Variants in CHUK observed in about 807,000 individuals in gnomAD.
The protein encoded by CHUK is component of inhibitor of nuclear factor kappa B kinase complex.
In CHUK, 35 loss-of-function variants were observed where a neutral mutation model predicts 104.8. The observed-to-expected ratio is 0.33, with a 90% CI of 0.26 to 0.44. The LOEUF (loss-of-function observed/expected upper bound fraction) is 0.44. CHUK is among the 20% of genes least tolerant of loss of function. The pLI, the probability that CHUK is intolerant of heterozygous loss-of-function variation, is 1.00. For synonymous variants in CHUK, 276 were observed against 291.9 expected (o/e 0.95, Z 0.56); for missense variants, 663 against 902.7 (o/e 0.73, Z 3.40).
chr10:100,223,457 A>G (rs957002302), intron 2 of CHUK, among the ~76,000 whole-genome samples: 10 of 152,060 alleles, frequency 6.6e-5, no homozygotes, highest in Non-Finnish European at 1.2e-4. Context: ...TGGGTAACAC[A>G]GTGAGACCTC....
chr10:100,229,355 C>T, intron 1 of CHUK, 73 bp downstream of exon 1: 2 of 1,103,688 alleles, frequency 1.8e-6, no homozygotes, highest in Non-Finnish European at 1.4e-6. Context: ...ACACTGTCAG[C>T]CCTGTGTTCC....
chr10:100,213,043 A>G (rs115595226), intron 9 of CHUK, among the ~76,000 whole-genome samples: 1 of 152,184 alleles, frequency 6.6e-6, no homozygotes, highest in African/African-American at 2.4e-5. Context: ...AAAAAAGAAA[A>G]AAGAAAGGGA....
chr10:100,201,342 C>T (rs1845457598), intron 14 of CHUK, among the ~76,000 whole-genome samples: 1 of 152,062 alleles, frequency 6.6e-6, no homozygotes, highest in South Asian at 2.1e-4. Context: ...TACCTAGGGA[C>T]ACCATATAAT....
intron 13 of CHUK, among the ~76,000 whole-genome samples, chr10:100,203,207 C>A (rs1028450155): frequency 6.6e-6 from 1 of 152,184 alleles, no homozygotes; most frequent in South Asian, 2.1e-4. Flanking sequence ...AGCCTGCTCC[C>A]TCACAAGTGA....
chr10:100,218,800 G>T lies in CHUK; in HGVS notation c.715C>A (p.Pro239Thr). The T allele has an allele frequency of 3.7e-6, 6 of 1,613,566 alleles. No individual in the cohort carries two copies. The highest frequency in any genetic ancestry group is 5.1e-6 in the Non-Finnish European group (6 of 1,179,660). ...TCTTCACATGCAAATATACACTTTG[G>T]ATCCTTCTTCTTAATCTTCTCATGC... Reference protein sequence around the residue: ...TWHEKIKKKDPKCIFACEEMS... With the variant: ...TWHEKIKKKDTKCIFACEEMS... Residue 239 changes from proline to threonine, a missense_variant, in exon 8 of 21, where the codon CCA becomes ACA. This residue lies in a region of CHUK where 200 missense variants were observed against 333.0 expected (regional missense o/e 0.60). Coordinates refer to ENST00000370397, the MANE Select transcript of CHUK (RefSeq NM_001278.5).
chr10:100,219,388 T>G lies in CHUK; in HGVS notation c.475-29A>C, dbSNP rs769647897. 7 of 1,192,292 alleles carry G rather than the reference T, an allele frequency of 5.9e-6. No individual in the cohort carries two copies. In the Admixed American group the frequency reaches 1.2e-4, roughly 20 times the overall value. 73.9% of individuals were successfully genotyped at this position (1,192,292 alleles called of 1,614,324 possible). A position where few individuals can be genotyped will look rare whatever the true frequency, so the allele number is the denominator to read the frequency against. On this transcript the variant is annotated intron_variant, in intron 5 of 20. Transcript: ENST00000370397. ...CAAAATAATAAGACAGATTAAGTAT[T>G]AAATGGTAGAGAAATTTAAAAAGGA...
intron 14 of CHUK, among the ~76,000 whole-genome samples, chr10:100,201,188 C>G (rs920424461): frequency 6.6e-6 from 1 of 152,106 alleles, no homozygotes; most frequent in Non-Finnish European, 1.5e-5. Context: ...AGATAAAGAA[C>G]TTGGATTTCC....
intron 11 of CHUK, 151 bp downstream of exon 11, chr10:100,207,079 A>G: frequency 1.6e-6 from 1 of 624,388 alleles, no homozygotes; most frequent in Non-Finnish European, 2.9e-6. Flanking sequence ...ATATAAATCC[A>G]TTTTTCAGAG....
intron 19 of CHUK, among the ~76,000 whole-genome samples, chr10:100,191,526 G>T (rs1346580194): frequency 6.6e-6 from 1 of 152,174 alleles, no homozygotes; most frequent in Admixed American, 6.5e-5. Context: ...AAAACAGTGT[G>T]GTGGGGGAGC....
intron 15 of CHUK, 139 bp from the exon 16 acceptor site, chr10:100,200,159 A>G: frequency 1.3e-6 from 1 of 762,976 alleles, no homozygotes; most frequent in Non-Finnish European, 2.4e-6. Context: ...TTCACAGAGC[A>G]TTGTATTGAG....
At chr10:100,198,909 A>G (rs1845398408) in intron 16 of CHUK, among the ~76,000 whole-genome samples, 1 of 152,224 alleles carries the variant, frequency 6.6e-6, no homozygotes, top group African/African-American at 2.4e-5. Context: ...ATTTTTAACT[A>G]AATGATAATA....
At chr10:100,205,746 G>A (rs1461128709) in intron 11 of CHUK, among the ~76,000 whole-genome samples, 2 of 152,114 alleles carry the variant, frequency 1.3e-5, no homozygotes, top group African/African-American at 4.8e-5. Flanking sequence ...TGGCCAACAC[G>A]GTGAAACCCT....
chr10:100,200,925 C>G (rs1845446944), intron 14 of CHUK, 145 bp from the exon 15 acceptor site: 1 of 678,290 alleles, frequency 1.5e-6, no homozygotes, highest in African/African-American at 1.8e-5. Context: ...TTTGTTAAAG[C>G]CTTTCTATTC....
chr10:100,193,416 G>A lies in CHUK; in HGVS notation c.1990C>T (p.Arg664Trp), dbSNP rs1411468661. The A allele has an allele frequency of 6.2e-6, 10 of 1,613,934 alleles. No individual in the cohort carries two copies. The highest frequency in any genetic ancestry group is 2.7e-5 in the African/African-American group (2 of 74,894). Reference sequence around the variant, plus strand: ...TCTAGACTGGATCCTACAAGGGACCGGGCAGAACTCTGTGTCTGAAGGAAA... The same window carrying A: ...TCTAGACTGGATCCTACAAGGGACCAGGCAGAACTCTGTGTCTGAAGGAAA... ...LKIACTQSSA[R>W]SLVGSSLEGA... is the part of the protein sequence containing the mutation. Residue 664 changes from arginine to tryptophan, a missense_variant, in exon 19 of 21, where the codon CGG (arginine) becomes TGG (tryptophan). Transcript: ENST00000370397.
At position 100,194,128 on chromosome 10, in the gene CHUK, C is replaced by G. The variant is rs752261165; in HGVS notation, c.1830G>C (p.Lys610Asn). 19 of 1,613,308 alleles carry G rather than the reference C, an allele frequency of 1.2e-5. No individual in the cohort carries two copies. Among genetic ancestry groups the G allele is most frequent in the Non-Finnish European group, 1.5e-5 (18 of 1,179,964 alleles). ...TAATCTTCTGCTTACAGCCCAACAA[C>G]TTGCTGGAGAGATTAAATCAGTGTC... ...VLKELFGHLS[K>N]LLGCKQKIID... The change falls in exon 18 of 21, where the codon AAG becomes AAC. Residue 610 changes from lysine to asparagine, a missense_variant. By Grantham distance (94) the Lys-to-Asn change is moderately conservative. This residue lies in a region of CHUK where 311 missense variants were observed against 393.4 expected (regional missense o/e 0.79). Coordinates refer to ENST00000370397, the MANE Select transcript of CHUK (RefSeq NM_001278.5).
At chr10:100,197,239 C>G (rs7910533) in intron 16 of CHUK, among the ~76,000 whole-genome samples, 307 of 152,218 alleles carry the variant, frequency 2.0e-3, no homozygotes, top group African/African-American at 7.2e-3. Context: ...AGTAAAAATA[C>G]AGTAGTATAA....
intron 15 of CHUK, 50 bp from the exon 16 acceptor site, chr10:100,200,070 C>G (rs771276413): frequency 3.2e-5 from 41 of 1,268,760 alleles, no homozygotes; most frequent in Non-Finnish European, 4.7e-5. Flanking sequence ...TTAATGACTT[C>G]AATAATCTAC....
chr10:100,193,045 C>A (rs1456273935), intron 19 of CHUK: 1 of 494,290 alleles, frequency 2.0e-6, no homozygotes, highest in Non-Finnish European at 3.7e-6. Context: ...ATTTGCTGAA[C>A]ATTTATTTCC....
chr10:100,226,605 AATTAAACCCATTC>A (rs1346638904), intron 1 of CHUK, among the ~76,000 whole-genome samples: 1 of 152,220 alleles, frequency 6.6e-6, no homozygotes, highest in African/African-American at 2.4e-5. Flanking sequence ...TTCTGACTGA[AATTAAACCCATTC>A]TGATGCATAT....
Sources: allele counts gnomAD v4.1 joint callset (sites outside exome capture counted in the v4.1 genomes callset), GRCh38; gene constraint gnomAD v4.1.1; regional missense constraint gnomAD v4.1.1; transcripts MANE v1.5; gene names NCBI Gene and HGNC (gene_info 2026-07-23, HGNC 2026-07-21).